Variants in KCNH8 observed in about 807,000 individuals in gnomAD.
KCNH8 encodes potassium voltage-gated channel subfamily H member 8.
KCNH8 carries 70 observed loss-of-function variants against 103.6 expected under a neutral mutation model. The ratio of observed to expected loss-of-function variants is 0.68; its 90% CI spans 0.56 to 0.82. The LOEUF (loss-of-function observed/expected upper bound fraction) is 0.82, where lower values mean the gene tolerates loss of function less well. Among genes scored for constraint, KCNH8 ranks in the 40% least tolerant of loss-of-function variants. The probability of loss-of-function intolerance (pLI) is 0.00; values close to 1 mark genes in which losing one functional copy is unlikely to be tolerated. For missense variants in KCNH8, 1,217 were observed against 1,329.9 expected, an observed-to-expected ratio of 0.92 and a Z score of 1.32; for synonymous variants, 498 against 489.4, an observed-to-expected ratio of 1.02 and a Z score of -0.23.
At chr3:19,322,710 T>C (rs950032665) in intron 3 of KCNH8, among the ~76,000 whole-genome samples, 7 of 152,218 alleles carry the variant, frequency 4.6e-5, no homozygotes, top group African/African-American at 1.7e-4. Flanking sequence ...TAGGTTTTCT[T>C]TGAGAATCTT....
intron 5 of KCNH8, among the ~76,000 whole-genome samples, chr3:19,356,170 A>G (rs1168659737): frequency 6.6e-6 from 1 of 152,032 alleles, no homozygotes; most frequent in Non-Finnish European, 1.5e-5. Flanking sequence ...TCATGAAGAA[A>G]GGACCCACAG....
At chr3:19,264,199 CA>C (rs2064475743) in intron 2 of KCNH8, among the ~76,000 whole-genome samples, 1 of 152,020 alleles carries the variant, frequency 6.6e-6, no homozygotes, top group Non-Finnish European at 1.5e-5. Flanking sequence ...CTCACAAATG[CA>C]TTTATGGAAG....
At chr3:19,474,076 G>A (rs1300559028) in intron 11 of KCNH8, among the ~76,000 whole-genome samples, 2 of 152,150 alleles carry the variant, frequency 1.3e-5, no homozygotes, top group African/African-American at 4.8e-5. Context: ...CATTTCTTCT[G>A]TTGGCCCTCT....
At chr3:19,170,810 A>AT (rs1163528137) in intron 1 of KCNH8, among the ~76,000 whole-genome samples, 5,548 of 75,264 alleles carry the variant, frequency 0.074, 241 homozygotes, top group East Asian at 0.12. Context: ...ATATATATAT[A>AT]TTTTTTTTTT....
chr3:19,378,439 A>G (rs941623410), intron 5 of KCNH8, among the ~76,000 whole-genome samples: 1 of 152,204 alleles, frequency 6.6e-6, no homozygotes, highest in Non-Finnish European at 1.5e-5. Flanking sequence ...AAAGCAAGGG[A>G]CTGTTTTAAG....
chr3:19,185,493 G>C (rs1456810080), intron 1 of KCNH8, among the ~76,000 whole-genome samples: 1 of 151,864 alleles, frequency 6.6e-6, no homozygotes, highest in African/African-American at 2.4e-5. Context: ...TGAGTTATGA[G>C]AGTTCTAATA....
chr3:19,150,965 A>T (rs2125177931), intron 1 of KCNH8, among the ~76,000 whole-genome samples: 1 of 151,972 alleles, frequency 6.6e-6, no homozygotes, highest in Non-Finnish European at 1.5e-5. Context: ...CTCCCAAGAA[A>T]CCCCCACTCA....
In KCNH8 at chr3:19,533,412, G is replaced by A. The variant is rs775662074; in HGVS notation, c.2637G>A (p.Gln879=). Reference sequence around the variant, plus strand: ...CCACATAGGTAACAACATTGACTCAGGAAGTTTCTCAGTTGGGTAAAGACA... The same window carrying A: ...CCACATAGGTAACAACATTGACTCAAGAAGTTTCTCAGTTGGGTAAAGACA... The part of the protein sequence containing the change: ...KLNSEVTTLT[Q]EVSQLGKDMR... The change falls in exon 16 of 16, where the codon CAG becomes CAA. Residue 879 remains glutamine (Q), a synonymous_variant. Coordinates refer to ENST00000328405, the MANE Select transcript of KCNH8 (RefSeq NM_144633.3). 3 of 1,613,756 alleles carry A rather than the reference G, an allele frequency of 1.9e-6. No homozygotes were observed. The highest frequency in any genetic ancestry group is 1.1e-5 in the South Asian group (1 of 91,076).
intron 7 of KCNH8, among the ~76,000 whole-genome samples, chr3:19,417,074 A>G (rs1300815944): frequency 6.6e-6 from 1 of 151,612 alleles, no homozygotes; most frequent in Admixed American, 6.6e-5. Context: ...CCACCACCAT[A>G]GTGTCAGCTA....
At chr3:19,221,800 C>G (rs756787817) in intron 1 of KCNH8, among the ~76,000 whole-genome samples, 2 of 151,416 alleles carry the variant, frequency 1.3e-5, no homozygotes, top group Non-Finnish European at 2.9e-5. Context: ...ATAACTAGTC[C>G]TTATCAAGTC....
chr3:19,333,547 T>A (rs1460156834), intron 3 of KCNH8, among the ~76,000 whole-genome samples: 2 of 152,180 alleles, frequency 1.3e-5, no homozygotes, highest in Non-Finnish European at 2.9e-5. Flanking sequence ...AGTATGCTAT[T>A]GCTCTTGCTA....
chr3:19,406,879 A>G (rs1278330795), intron 7 of KCNH8, among the ~76,000 whole-genome samples: 2 of 152,178 alleles, frequency 1.3e-5, no homozygotes, highest in South Asian at 2.1e-4. Context: ...TCTCTGTAAA[A>G]TGAGCTAGTC....
chr3:19,488,617 G>T (rs1410379018), intron 11 of KCNH8, among the ~76,000 whole-genome samples: 2 of 152,118 alleles, frequency 1.3e-5, no homozygotes, highest in Non-Finnish European at 2.9e-5. Context: ...TGACCTCAGA[G>T]ACCTTATTTA....
At position 19,513,209 on chromosome 3, in the gene KCNH8, T is replaced by C. The variant is rs1035376692; in HGVS notation, c.2319T>C (p.Asn773=). The change falls in exon 13 of 16, where the codon AAT becomes AAC. Residue 773 remains asparagine, a synonymous_variant. Transcript: ENST00000328405. ...FHSPIRVSRS[N]SPKTKQEIDP... ...CGCCTATCAGAGTCTCCAGGTCAAA[T>C]TCCCCCAAAACCAAGCAGGAAATTG... The C allele has an allele frequency of 1.9e-6, 3 of 1,613,696 alleles. No homozygotes were observed. The African/African-American group carries it at 4.0e-5, about 22-fold the overall frequency.
intron 3 of KCNH8, among the ~76,000 whole-genome samples, chr3:19,319,465 A>G (rs1330744230): frequency 6.6e-6 from 1 of 151,982 alleles, no homozygotes; most frequent in East Asian, 1.9e-4. Context: ...GTTGAAGATC[A>G]GTTGGCTGTA....
At chr3:19,178,237 A>G (rs536666059) in intron 1 of KCNH8, among the ~76,000 whole-genome samples, 16 of 152,070 alleles carry the variant, frequency 1.1e-4, no homozygotes, top group Non-Finnish European at 2.2e-4. Context: ...TTATTGCTCT[A>G]TCTTTGGAGA....
intron 1 of KCNH8, among the ~76,000 whole-genome samples, chr3:19,251,689 T>C (rs1457707154): frequency 6.6e-6 from 1 of 152,128 alleles, no homozygotes; most frequent in African/African-American, 2.4e-5. Flanking sequence ...GCAAACCTCA[T>C]TTAAACTTAC....
At chr3:19,219,853 G>C (rs552076425) in intron 1 of KCNH8, among the ~76,000 whole-genome samples, 1 of 152,230 alleles carries the variant, frequency 6.6e-6, no homozygotes, top group African/African-American at 2.4e-5. Flanking sequence ...TATTACTCAG[G>C]TCAAGAACTC....
chr3:19,476,613 C>T (rs915935732), intron 11 of KCNH8, among the ~76,000 whole-genome samples: 3 of 152,106 alleles, frequency 2.0e-5, no homozygotes, highest in Admixed American at 6.6e-5. Context: ...ATTCTTTTCA[C>T]ACAGATTACC....
Sources: allele counts gnomAD v4.1 joint callset (sites outside exome capture counted in the v4.1 genomes callset), GRCh38; gene constraint gnomAD v4.1.1; transcripts MANE v1.5; gene names NCBI Gene and HGNC (gene_info 2026-07-23, HGNC 2026-07-21).